Variants in ANK2 observed in about 807,000 individuals in gnomAD.
ANK2 encodes ankyrin 2.
Under a neutral mutation model 360.5 loss-of-function variants are expected in ANK2, and 83 were observed. The ratio of observed to expected loss-of-function variants is 0.23; its 90% CI spans 0.19 to 0.28. ANK2 has a LOEUF of 0.28. ANK2 is among the 10% of genes least tolerant of loss of function. The probability of loss-of-function intolerance (pLI) is 1.00; values close to 1 mark genes in which losing one functional copy is unlikely to be tolerated. For missense variants in ANK2, 4,201 were observed against 4,795.7 expected (o/e 0.88, Z 3.66); for synonymous variants, 1,740 against 1,759.5 (o/e 0.99, Z 0.28).
intron 1 of ANK2, among the ~76,000 whole-genome samples, chr4:113,165,519 T>C (rs776319531): frequency 2.0e-5 from 3 of 152,184 alleles, no homozygotes; most frequent in Non-Finnish European, 4.4e-5. Flanking sequence ...CATAAAACAG[T>C]AAGCAGAACT....
At chr4:113,359,459 CT>C (rs1283423881) in intron 38 of ANK2, among the ~76,000 whole-genome samples, 160 bp downstream of exon 38, 2 of 152,236 alleles carry the variant, frequency 1.3e-5, no homozygotes, top group Admixed American at 6.5e-5. Flanking sequence ...TGTGCTTTCT[CT>C]GTATACTCTT....
chr4:113,254,823 G>A (rs747503277), intron 10 of ANK2, among the ~76,000 whole-genome samples: 1 of 152,076 alleles, frequency 6.6e-6, no homozygotes, highest in African/African-American at 2.4e-5. Flanking sequence ...CTGTCAAACT[G>A]GATACTTGGC....
intron 1 of ANK2, among the ~76,000 whole-genome samples, chr4:113,089,407 A>G (rs995848026): frequency 1.1e-4 from 16 of 152,246 alleles, no homozygotes; most frequent in African/African-American, 3.9e-4. Flanking sequence ...AAGATATTTG[A>G]AAGGAGGTAA....
At chr4:113,262,958 G>T (rs1007765809) in intron 13 of ANK2, among the ~76,000 whole-genome samples, 9 of 151,744 alleles carry the variant, frequency 5.9e-5, no homozygotes, top group African/African-American at 2.2e-4. Flanking sequence ...GGGAGGCCGA[G>T]GCGGGTGGAT....
chr4:112,991,879 T>C (rs1450358421), intron 2 of ANK2, among the ~76,000 whole-genome samples: 4 of 152,012 alleles, frequency 2.6e-5, no homozygotes, highest in Admixed American at 6.6e-5. Flanking sequence ...TAAAAAGGAT[T>C]GCCTTTCCTC....
intron 11 of ANK2, among the ~76,000 whole-genome samples, chr4:113,257,420 G>A (rs1253880270): frequency 2.0e-5 from 3 of 152,104 alleles, no homozygotes; most frequent in East Asian, 3.9e-4. Flanking sequence ...GAAAATATTC[G>A]AGAACTTAAC....
At chr4:113,012,017 G>A (rs150876811) in intron 2 of ANK2, among the ~76,000 whole-genome samples, 25 of 152,166 alleles carry the variant, frequency 1.6e-4, no homozygotes, top group Non-Finnish European at 3.5e-4. Flanking sequence ...ATTTCATCAT[G>A]TTTAAAAGCA....
intron 38 of ANK2, among the ~76,000 whole-genome samples, chr4:113,360,321 G>A (rs2096123506): frequency 6.6e-6 from 1 of 152,036 alleles, no homozygotes; most frequent in Admixed American, 6.6e-5. Flanking sequence ...GTTGTTTCTG[G>A]CCACACTAAT....
intron 1 of ANK2, among the ~76,000 whole-genome samples, chr4:112,892,542 A>T (rs2080366395): frequency 6.6e-6 from 1 of 152,242 alleles, no homozygotes; most frequent in Non-Finnish European, 1.5e-5. Context: ...TCAAATTTTG[A>T]AGAATTTTGA....
intron 4 of ANK2, among the ~76,000 whole-genome samples, chr4:113,230,774 C>T (rs1008205146): frequency 6.6e-6 from 1 of 152,096 alleles, no homozygotes; most frequent in African/African-American, 2.4e-5. Flanking sequence ...TCATGTTATA[C>T]AATTTCAGTG....
At chr4:113,310,057 C>T (rs1467165301) in intron 23 of ANK2, among the ~76,000 whole-genome samples, 1 of 152,068 alleles carries the variant, frequency 6.6e-6, no homozygotes, top group Non-Finnish European at 1.5e-5. Flanking sequence ...CCTTTCTCAC[C>T]TTTTCTTTCT....
chr4:113,197,361 G>A (rs1449313821), intron 3 of ANK2, among the ~76,000 whole-genome samples: 2 of 152,150 alleles, frequency 1.3e-5, no homozygotes, highest in Admixed American at 6.5e-5. Context: ...TGAACTTGTC[G>A]AGGATTCATT....
At chr4:113,274,770 C>G in intron 15 of ANK2, 121 bp downstream of exon 15, 2 of 1,030,546 alleles carry the variant, frequency 1.9e-6, no homozygotes. Context: ...ACTTCCTTCT[C>G]TACATATTTA....
At chr4:112,810,491 G>T in the ANK2 span, among the ~76,000 whole-genome samples, 1 of 152,002 alleles carries the variant, frequency 6.6e-6, no homozygotes, top group African/African-American at 2.4e-5. Context: ...TTAATATGTG[G>T]TGAGCTATGG....
chr4:112,750,401 C>T, the ANK2 span, among the ~76,000 whole-genome samples: 1 of 152,110 alleles, frequency 6.6e-6, no homozygotes, highest in Non-Finnish European at 1.5e-5. Flanking sequence ...TTTTTACATA[C>T]CTTTTCTATG....
At chr4:113,348,108 G>T in intron 35 of ANK2, 168 bp from the exon 36 acceptor site, 1 of 658,692 alleles carries the variant, frequency 1.5e-6, no homozygotes, top group Non-Finnish European at 2.7e-6. Flanking sequence ...CTTCTTTTCT[G>T]CCTGTCTTCT....
At chr4:113,239,291 C>T (rs1462486960) in intron 7 of ANK2, among the ~76,000 whole-genome samples, 2 of 152,064 alleles carry the variant, frequency 1.3e-5, no homozygotes, top group African/African-American at 2.4e-5. Context: ...ACAGTAAGAG[C>T]ACAAATTTTC....
intron 22 of ANK2, among the ~76,000 whole-genome samples, chr4:113,297,446 T>A (rs962491714): frequency 2.0e-5 from 3 of 152,120 alleles, no homozygotes; most frequent in African/African-American, 4.8e-5. Flanking sequence ...AAATGATAAA[T>A]GTTTGAGGTG....
chr4:113,304,058 A>G (rs189015445), intron 23 of ANK2, among the ~76,000 whole-genome samples: 64 of 152,330 alleles, frequency 4.2e-4, no homozygotes, highest in Admixed American at 1.4e-3. Context: ...TCAATGTAGT[A>G]TTTTGAGTAA....
Sources: gnomAD v4.1 joint callset for allele counts (sites outside exome capture counted in the v4.1 genomes callset) on GRCh38, gnomAD v4.1.1 for gene constraint, MANE v1.5 for transcripts, NCBI Gene and HGNC (gene_info 2026-07-23, HGNC 2026-07-21) for gene names.